ARID1B: variants seen among roughly 807,000 people sequenced by gnomAD.
The protein encoded by ARID1B is AT-rich interaction domain 1B.
In ARID1B, 30 loss-of-function variants were observed where a neutral mutation model predicts 212.3. The ratio of observed to expected loss-of-function variants is 0.14; its 90% CI spans 0.11 to 0.19. The LOEUF is 0.19. Among genes scored for constraint, ARID1B ranks in the 10% least tolerant of loss-of-function variants. The pLI, the probability that ARID1B is intolerant of heterozygous loss-of-function variation, is 1.00. For synonymous variants in ARID1B, 1,402 were observed against 1,301.7 expected (o/e 1.08, Z -1.66); for missense variants, 2,891 against 3,204.0 (o/e 0.90, Z 2.36).
At chr6:157,039,684 TC>T (rs1562569244) in intron 4 of ARID1B, among the ~76,000 whole-genome samples, 15 of 106,324 alleles carry the variant, frequency 1.4e-4, no homozygotes, top group South Asian at 5.5e-4. Flanking sequence ...CTTCCTTCCT[TC>T]CTTCCTTCCT....
In ARID1B at chr6:156,866,688, G is replaced by C. The variant is rs191665313; in HGVS notation, c.1987-34688G>C. Among the ~76,000 whole-genome samples, 6 of 152,196 alleles carry C rather than the reference G, an allele frequency of 3.9e-5. No homozygotes were observed. In the East Asian group the frequency reaches 1.2e-3, roughly 29 times the overall value. On this transcript the variant is annotated intron_variant, in intron 2 of 19. Coordinates refer to ENST00000636930, the MANE Select transcript of ARID1B (RefSeq NM_001374828.1). The stretch of plus-strand genomic sequence containing the variant: ...CAGTTTGGTTTCGTTTACATTTGTG[G>C]GTCTGACTGCTGTTGTGTGCTACTT...
intron 4 of ARID1B, among the ~76,000 whole-genome samples, chr6:157,083,864 T>C (rs185126239): frequency 1.3e-5 from 2 of 152,354 alleles, no homozygotes; most frequent in African/African-American, 2.4e-5. Flanking sequence ...CCAGGCACAG[T>C]GGCTCATGCC....
At chr6:157,037,025 T>C (rs1040576067) in intron 4 of ARID1B, 9 of 353,272 alleles carry the variant, frequency 2.5e-5, no homozygotes, top group East Asian at 5.7e-5. Flanking sequence ...ATTTCTCTTA[T>C]TGTGATTAAG....
intron 2 of ARID1B, among the ~76,000 whole-genome samples, chr6:156,856,513 G>T (rs922535417): frequency 1.3e-5 from 2 of 152,144 alleles, no homozygotes; most frequent in African/African-American, 4.8e-5. Context: ...TAGTGGAGAA[G>T]CCGGGGTTGC....
intron 1 of ARID1B, among the ~76,000 whole-genome samples, chr6:156,799,790 A>C (rs549558825): frequency 2.0e-5 from 3 of 152,188 alleles, no homozygotes; most frequent in Non-Finnish European, 4.4e-5. Flanking sequence ...AAATCATTTG[A>C]TATTCTATGA....
chr6:156,969,416 T>A (rs948445224), intron 4 of ARID1B, among the ~76,000 whole-genome samples: 1 of 152,204 alleles, frequency 6.6e-6, no homozygotes, highest in Admixed American at 6.5e-5. Context: ...CCATGAGTGC[T>A]GGTATCTGTC....
At chr6:157,060,629 A>ATTTT (rs1181320293) in intron 4 of ARID1B, among the ~76,000 whole-genome samples, 2 of 56,480 alleles carry the variant, frequency 3.5e-5, no homozygotes, top group African/African-American at 2.1e-4. Flanking sequence ...CAAAATCTGA[A>ATTTT]CTTTTTTTTT....
At chr6:156,792,481 T>C (rs1016130522) in intron 1 of ARID1B, among the ~76,000 whole-genome samples, 2 of 152,242 alleles carry the variant, frequency 1.3e-5, no homozygotes, top group African/African-American at 4.8e-5. Context: ...TTTTTGGATT[T>C]TTATTAGACA....
At position 156,935,710 on chromosome 6, in the gene ARID1B, A is replaced by C. The variant is rs545899620; in HGVS notation, c.2247+134A>C. On this transcript the variant is annotated intron_variant, in intron 4 of 19. Transcript: ENST00000636930. ...TAGACTTCAGGTTTATTTTGTGGTC[A>C]ATTTTTCAAGGTTTACCTTTTAGGA... The C allele has an allele frequency of 1.9e-4, 150 of 800,894 alleles. No individual in the cohort carries two copies. In the African/African-American group the frequency reaches 2.4e-3, roughly 13 times the overall value. 49.6% of individuals were successfully genotyped at this position (800,894 alleles called of 1,614,324 possible).
At chr6:156,902,191 A>T (rs1449066855) in intron 3 of ARID1B, 1 of 152,240 alleles carries the variant, frequency 6.6e-6, no homozygotes, top group East Asian at 1.9e-4. Flanking sequence ...AAAATGATTC[A>T]GTTTCCTTAT....
At chr6:157,053,694 G>A (rs1220711651) in intron 4 of ARID1B, among the ~76,000 whole-genome samples, 1 of 152,144 alleles carries the variant, frequency 6.6e-6, no homozygotes, top group Non-Finnish European at 1.5e-5. Context: ...AAAGAATCAT[G>A]TCTGTGGCTT....
At chr6:157,011,894 A>G (rs1779631600) in intron 4 of ARID1B, among the ~76,000 whole-genome samples, 1 of 152,194 alleles carries the variant, frequency 6.6e-6, no homozygotes, top group African/African-American at 2.4e-5. Flanking sequence ...TGAATAAGAA[A>G]TCTATGCCTA....
chr6:157,137,724 C>T (rs1433372986), intron 7 of ARID1B, among the ~76,000 whole-genome samples: 3 of 152,146 alleles, frequency 2.0e-5, no homozygotes, highest in African/African-American at 7.2e-5. Context: ...CTCACTCACT[C>T]TGTAATAGCC....
chr6:156,794,119 C>T (rs910016105), intron 1 of ARID1B, among the ~76,000 whole-genome samples: 10 of 152,210 alleles, frequency 6.6e-5, no homozygotes, highest in African/African-American at 2.2e-4. Context: ...CAGATGCCAT[C>T]AGGCTCTGGA....
intron 2 of ARID1B, among the ~76,000 whole-genome samples, chr6:156,843,720 A>G (rs1428805910): frequency 1.3e-5 from 2 of 152,220 alleles, no homozygotes; most frequent in Non-Finnish European, 2.9e-5. Context: ...GTCCATTGCT[A>G]TCCATAGCTA....
chr6:156,878,513 G>A (rs871428), intron 2 of ARID1B, among the ~76,000 whole-genome samples: 52,082 of 152,120 alleles, frequency 0.34, 9,411 homozygotes, highest in African/African-American at 0.45. Flanking sequence ...GCAAGGAGAA[G>A]TTCCTCCTCT....
intron 4 of ARID1B, among the ~76,000 whole-genome samples, chr6:157,045,900 A>AAGG (rs1472158228): frequency 6.6e-6 from 1 of 152,158 alleles, no homozygotes; most frequent in Non-Finnish European, 1.5e-5. Flanking sequence ...AGAAAGATTC[A>AAGG]AGGGGGTGTG....
At chr6:157,010,299 TTTTTTG>T (rs1366072422) in intron 4 of ARID1B, among the ~76,000 whole-genome samples, 6 of 130,188 alleles carry the variant, frequency 4.6e-5, no homozygotes, top group African/African-American at 8.6e-5. Context: ...TTTTTTTTTT[TTTTTTG>T]TTGTTGTTGT....
rs1193181993 is a variant in ARID1B, at chr6:156,778,640, T to C, written c.960T>C (p.Ala320=). The C allele has an allele frequency of 1.4e-6, 2 of 1,465,442 alleles. No individual in the cohort carries two copies. The highest frequency in any genetic ancestry group is 2.6e-5 in the South Asian group (2 of 76,820). The allele number at this position is 1,465,442 out of a possible 1,614,324, so 90.8% of individuals were successfully genotyped here. A position where few individuals can be genotyped will look rare whatever the true frequency, so the allele number is the denominator to read the frequency against. Residue 320 remains alanine (A), a synonymous_variant, in exon 1 of 20, where the codon GCT becomes GCC. Transcript: ENST00000636930. ...AGTTTAATAATTACTATGGCAGCGC[T>C]GCCCCTGCGAGCGGCGGCCCCGGCG... ...VPEFNNYYGS[A]APASGGPGGR... is the part of the protein sequence containing the mutation.
Sources: gnomAD v4.1 joint callset for allele counts (sites outside exome capture counted in the v4.1 genomes callset) on GRCh38, gnomAD v4.1.1 for gene constraint, MANE v1.5 for transcripts, NCBI Gene and HGNC (gene_info 2026-07-23, HGNC 2026-07-21) for gene names.